RBMS3: variants seen among roughly 807,000 people sequenced by gnomAD.
RBMS3 encodes RNA-binding motif, single-stranded-interacting protein 3.
RBMS3 carries 27 observed loss-of-function variants against 66.8 expected under a neutral mutation model. The ratio of observed to expected loss-of-function variants is 0.40; its 90% CI spans 0.30 to 0.56. The LOEUF (loss-of-function observed/expected upper bound fraction) is 0.56, where lower values mean the gene tolerates loss of function less well. Among genes scored for constraint, RBMS3 ranks in the 20% least tolerant of loss-of-function variants. The probability of loss-of-function intolerance (pLI) is 0.40; values close to 1 mark genes in which losing one functional copy is unlikely to be tolerated. For synonymous variants in RBMS3, 188 were observed against 183.0 expected (o/e 1.03, Z -0.22); for missense variants, 513 against 549.5 (o/e 0.93, Z 0.66).
At chr3:29,828,540 T>C (rs2058269473) in intron 6 of RBMS3, among the ~76,000 whole-genome samples, 2 of 152,206 alleles carry the variant, frequency 1.3e-5, no homozygotes, top group South Asian at 4.1e-4. Context: ...TATATACATA[T>C]CTTTTCTACA....
At chr3:29,606,594 G>A (rs2048326737) in intron 4 of RBMS3, among the ~76,000 whole-genome samples, 1 of 151,784 alleles carries the variant, frequency 6.6e-6, no homozygotes, top group African/African-American at 2.4e-5. Flanking sequence ...ATAATAAGTA[G>A]GGTCAATTTC....
intron 1 of RBMS3, among the ~76,000 whole-genome samples, chr3:29,359,522 C>A (rs192641996): frequency 6.6e-6 from 1 of 152,066 alleles, no homozygotes; most frequent in African/African-American, 2.4e-5. Context: ...TTTGTTGTGT[C>A]GCTGCCAGGC....
chr3:29,353,835 A>C (rs1285606351), intron 1 of RBMS3, among the ~76,000 whole-genome samples: 1 of 152,126 alleles, frequency 6.6e-6, no homozygotes, highest in Non-Finnish European at 1.5e-5. Context: ...ACACATATGC[A>C]GTTTCTTATT....
At chr3:29,676,027 G>A (rs1024809466) in intron 4 of RBMS3, among the ~76,000 whole-genome samples, 3 of 152,134 alleles carry the variant, frequency 2.0e-5, no homozygotes, top group Non-Finnish European at 2.9e-5. Flanking sequence ...AACCAACCAA[G>A]ATGTCCATCA....
At chr3:29,703,889 C>T (rs1185952876) in intron 4 of RBMS3, among the ~76,000 whole-genome samples, 2 of 152,144 alleles carry the variant, frequency 1.3e-5, no homozygotes, top group African/African-American at 4.8e-5. Flanking sequence ...CAGCTGCTCC[C>T]AATCACCCAC....
intron 3 of RBMS3, among the ~76,000 whole-genome samples, chr3:29,498,258 G>A (rs960423200): frequency 6.6e-6 from 1 of 151,714 alleles, no homozygotes; most frequent in Non-Finnish European, 1.5e-5. Context: ...GCCTCCCAAA[G>A]TGCTGGGATT....
intron 12 of RBMS3, among the ~76,000 whole-genome samples, chr3:29,944,508 T>C (rs1319699122): frequency 1.3e-5 from 2 of 151,764 alleles, no homozygotes; most frequent in African/African-American, 4.8e-5. Flanking sequence ...CTGTCAAGGA[T>C]ACACAGAAGA....
At chr3:29,871,046 A>G (rs974070790) in intron 7 of RBMS3, among the ~76,000 whole-genome samples, 2 of 152,068 alleles carry the variant, frequency 1.3e-5, no homozygotes, top group South Asian at 2.1e-4. Context: ...CTTGCATTTT[A>G]CTTGCTAAAG....
chr3:29,712,450 C>A (rs9874377), intron 4 of RBMS3, among the ~76,000 whole-genome samples: 2,172 of 152,118 alleles, frequency 0.014, 48 homozygotes, highest in African/African-American at 0.045. Context: ...GTAGCTCGGG[C>A]TACGAATGCA....
intron 14 of RBMS3, among the ~76,000 whole-genome samples, chr3:29,999,074 C>T (rs1302254992): frequency 6.6e-6 from 1 of 151,488 alleles, no homozygotes; most frequent in African/African-American, 2.4e-5. Flanking sequence ...TAGAAAAAAA[C>T]AAAAAACCCC....
intron 4 of RBMS3, among the ~76,000 whole-genome samples, chr3:29,691,398 G>A (rs1341282180): frequency 6.6e-6 from 1 of 152,078 alleles, no homozygotes; most frequent in Non-Finnish European, 1.5e-5. Flanking sequence ...CCCAAAATAT[G>A]GCTTGAAATG....
chr3:29,985,757 C>T (rs983894088), intron 12 of RBMS3, among the ~76,000 whole-genome samples: 2 of 152,180 alleles, frequency 1.3e-5, no homozygotes, highest in Non-Finnish European at 2.9e-5. Flanking sequence ...CTGCATTGAT[C>T]TTGCTGGGAG....
At chr3:29,377,453 C>T (rs1420851072) in intron 1 of RBMS3, among the ~76,000 whole-genome samples, 1 of 152,172 alleles carries the variant, frequency 6.6e-6, no homozygotes, top group Admixed American at 6.5e-5. Flanking sequence ...TTGCCTTCCA[C>T]CTCCTTATCA....
chr3:29,652,290 C>T (rs1158642930), intron 4 of RBMS3, among the ~76,000 whole-genome samples: 1 of 152,012 alleles, frequency 6.6e-6, no homozygotes, highest in South Asian at 2.1e-4. Context: ...AAAACTTCTC[C>T]CTTACCTTGT....
intron 6 of RBMS3, among the ~76,000 whole-genome samples, chr3:29,844,249 T>C (rs958274802): frequency 4.6e-5 from 7 of 151,248 alleles, no homozygotes; most frequent in Non-Finnish European, 1.0e-4. Flanking sequence ...TGTTGTGTTT[T>C]GTTTTGTTTT....
chr3:29,424,981 A>G lies in RBMS3; in HGVS notation c.76-9762A>G, dbSNP rs114543099. On this transcript the variant is annotated intron_variant, in intron 1 of 14. Coordinates refer to ENST00000383767, the MANE Select transcript of RBMS3 (RefSeq NM_001003793.3). ...TACATCCATTGTAGCTTATCACTGC[A>G]TATTTTATGTAGCTCTTTAAGCTAC... 9.2e-3 allele frequency among the ~76,000 whole-genome samples: 1,397 copies of G among 152,142 alleles called. 26 individuals carry two copies. Among genetic ancestry groups the G allele is most frequent in the African/African-American group, 0.031 (1,272 of 41,502 alleles).
intron 6 of RBMS3, among the ~76,000 whole-genome samples, chr3:29,853,120 GAC>G (rs2058977735): frequency 6.6e-6 from 1 of 152,088 alleles, no homozygotes; most frequent in Non-Finnish European, 1.5e-5. Context: ...AGAACACATG[GAC>G]ACATAGAGAG....
intron 4 of RBMS3, among the ~76,000 whole-genome samples, chr3:29,713,266 G>A (rs2053249606): frequency 6.6e-6 from 1 of 151,848 alleles, no homozygotes; most frequent in Non-Finnish European, 1.5e-5. Flanking sequence ...TCTTTGTTCA[G>A]TGTTTGCCCT....
chr3:29,692,635 CCTTT>C (rs1242847696), intron 4 of RBMS3, among the ~76,000 whole-genome samples: 1 of 152,078 alleles, frequency 6.6e-6, no homozygotes, highest in Admixed American at 6.6e-5. Context: ...TCTCAGATTC[CCTTT>C]CTATCATTTT....
Sources: gnomAD v4.1 joint callset for allele counts (sites outside exome capture counted in the v4.1 genomes callset) on GRCh38, gnomAD v4.1.1 for gene constraint, MANE v1.5 for transcripts, NCBI Gene and HGNC (gene_info 2026-07-23, HGNC 2026-07-21) for gene names.